BRD10: variants seen among roughly 807,000 people sequenced by gnomAD.
BRD10 encodes the protein uncharacterized bromodomain-containing protein 10.
At chr9:5,976,173 G>A in the BRD10 span, among the ~76,000 whole-genome samples, 1 of 152,050 alleles carries the variant, frequency 6.6e-6, no homozygotes, top group African/African-American at 2.4e-5. Flanking sequence ...GATACTCTGT[G>A]ACTTTTAAAC....
the BRD10 span, chr9:5,969,533 C>G: frequency 1.1e-5 from 9 of 797,084 alleles, no homozygotes; most frequent in African/African-American, 1.4e-4. Context: ...AGGCAATCAA[C>G]TGTCCTAGTT....
At chr9:5,883,954 A>T in the BRD10 span, among the ~76,000 whole-genome samples, 1 of 152,124 alleles carries the variant, frequency 6.6e-6, no homozygotes, top group East Asian at 1.9e-4. Context: ...TGAGAGAAAG[A>T]ATTATTAGGT....
the BRD10 span, among the ~76,000 whole-genome samples, chr9:5,930,926 TTAGG>T: frequency 6.6e-6 from 1 of 152,118 alleles, no homozygotes; most frequent in Admixed American, 6.5e-5. Flanking sequence ...AAAATAGAAA[TTAGG>T]TAGACTTGTA....
the BRD10 span, chr9:5,906,933 C>T: frequency 1.3e-6 from 2 of 1,595,710 alleles, no homozygotes; most frequent in African/African-American, 1.4e-5. Flanking sequence ...AAGAAGATGC[C>T]CACAAGAAGG....
the BRD10 span, among the ~76,000 whole-genome samples, chr9:5,915,499 A>G: frequency 2.6e-5 from 4 of 152,324 alleles, no homozygotes; most frequent in East Asian, 7.7e-4. Context: ...TCAGTCCTCT[A>G]TCAGCTAGCT....
chr9:5,879,468 G>C, the BRD10 span, among the ~76,000 whole-genome samples: 1 of 152,148 alleles, frequency 6.6e-6, no homozygotes, highest in Non-Finnish European at 1.5e-5. Flanking sequence ...GGCAGGCATT[G>C]TCCCCTTGAG....
the BRD10 span, among the ~76,000 whole-genome samples, chr9:5,952,437 C>A: frequency 6.6e-6 from 1 of 152,152 alleles, no homozygotes; most frequent in Non-Finnish European, 1.5e-5. Context: ...CAAAGTTTCA[C>A]GAAACAATAT....
the BRD10 span, among the ~76,000 whole-genome samples, chr9:5,952,507 G>A: frequency 8.5e-4 from 129 of 152,270 alleles, 2 homozygotes; most frequent in Middle Eastern, 0.02. Flanking sequence ...TAATTGTGCT[G>A]ATTTCTTTTC....
the BRD10 span, among the ~76,000 whole-genome samples, chr9:5,985,690 C>T: frequency 4.6e-5 from 7 of 151,948 alleles, no homozygotes; most frequent in Admixed American, 4.6e-4. Context: ...GAGGCTGAGA[C>T]AGGGGAATCG....
At chr9:5,924,697 C>G in the BRD10 span, 7 of 1,553,868 alleles carry the variant, frequency 4.5e-6, no homozygotes, top group Non-Finnish European at 6.1e-6. Context: ...TCCAGAGGTT[C>G]TGTTGAGTCT....
the BRD10 span, among the ~76,000 whole-genome samples, chr9:5,926,151 C>T: frequency 3.3e-5 from 5 of 152,182 alleles, no homozygotes; most frequent in South Asian, 6.2e-4. Context: ...TTCCTGACCT[C>T]GTGATCTGCC....
the BRD10 span, among the ~76,000 whole-genome samples, chr9:5,956,404 G>A: frequency 6.6e-6 from 1 of 152,110 alleles, no homozygotes; most frequent in Non-Finnish European, 1.5e-5. Flanking sequence ...TAAACTACCT[G>A]GGTTTGAGTG....
chr9:5,944,136 C>T, the BRD10 span, among the ~76,000 whole-genome samples: 3 of 152,008 alleles, frequency 2.0e-5, no homozygotes, highest in African/African-American at 2.4e-5. Flanking sequence ...TTAAAAAAAA[C>T]GATTTTCTTC....
chr9:5,920,028 C>T, the BRD10 span: 905 of 1,613,800 alleles, frequency 5.6e-4, 1 homozygote, highest in Non-Finnish European at 7.2e-4. Flanking sequence ...GGAACCTTAG[C>T]AGTTGTGTTT....
chr9:5,973,633 A>C, the BRD10 span, among the ~76,000 whole-genome samples: 3 of 152,168 alleles, frequency 2.0e-5, no homozygotes, highest in East Asian at 5.8e-4. Context: ...TCACACCTGT[A>C]ATCCCAGCAT....
chr9:5,924,343 G>A, the BRD10 span, among the ~76,000 whole-genome samples: 1 of 151,412 alleles, frequency 6.6e-6, no homozygotes, highest in African/African-American at 2.4e-5. Context: ...AGAAAGCAGT[G>A]GACAGCTCAC....
the BRD10 span, among the ~76,000 whole-genome samples, chr9:5,926,948 TTAA>T: frequency 6.6e-6 from 1 of 152,198 alleles, no homozygotes; most frequent in African/African-American, 2.4e-5. Flanking sequence ...CAAATGTTAG[TTAA>T]TAATTGCTTT....
the BRD10 span, among the ~76,000 whole-genome samples, chr9:5,997,810 G>T: frequency 1.3e-5 from 2 of 152,128 alleles, no homozygotes; most frequent in African/African-American, 4.8e-5. Flanking sequence ...TAGTGGGGTA[G>T]GTTTGGCAAC....
the BRD10 span, chr9:5,908,940 G>T: frequency 2.0e-6 from 1 of 502,394 alleles, no homozygotes; most frequent in Non-Finnish European, 3.5e-6. Flanking sequence ...TGCAATGCAT[G>T]ATACTATCTG....
Sources: allele counts gnomAD v4.1 joint callset (sites outside exome capture counted in the v4.1 genomes callset), GRCh38; gene constraint gnomAD v4.1.1; transcripts MANE v1.5; gene names NCBI Gene and HGNC (gene_info 2026-07-23, HGNC 2026-07-21).